DLG2: variants seen among roughly 807,000 people sequenced by gnomAD.
The protein encoded by DLG2 is disks large homolog 2.
Under a neutral mutation model 132.5 loss-of-function variants are expected in DLG2, and 45 were observed. The ratio of observed to expected loss-of-function variants is 0.34; its 90% CI spans 0.27 to 0.44. The LOEUF is 0.44. Ranked by LOEUF, DLG2 falls within the 20% of genes least tolerant of loss-of-function variation. The pLI, the probability that DLG2 is intolerant of heterozygous loss-of-function variation, is 1.00. For synonymous variants in DLG2, 424 were observed against 419.6 expected (o/e 1.01, Z -0.13); for missense variants, 1,045 against 1,196.9 (o/e 0.87, Z 1.87).
intron 4 of DLG2, among the ~76,000 whole-genome samples, chr11:85,265,939 T>A (rs1224123048): frequency 6.6e-6 from 1 of 152,186 alleles, no homozygotes; most frequent in Non-Finnish European, 1.5e-5. Context: ...ATCCTTTGAT[T>A]TGACCACATT....
At chr11:84,554,644 G>A (rs536209902) in intron 6 of DLG2, among the ~76,000 whole-genome samples, 1 of 152,094 alleles carries the variant, frequency 6.6e-6, no homozygotes, top group Non-Finnish European at 1.5e-5. Flanking sequence ...CACTCGGGAA[G>A]CTGAGGCAGG....
chr11:84,855,141 G>A (rs1181384804), intron 6 of DLG2, among the ~76,000 whole-genome samples: 1 of 151,948 alleles, frequency 6.6e-6, no homozygotes, highest in South Asian at 2.1e-4. Context: ...AGCTTCAACT[G>A]GCCAATCATG....
intron 9 of DLG2, among the ~76,000 whole-genome samples, chr11:84,151,955 A>G (rs1004969417): frequency 6.6e-6 from 1 of 152,200 alleles, no homozygotes; most frequent in African/African-American, 2.4e-5. Flanking sequence ...GTCTTGCTTT[A>G]CCAGTAAAGC....
chr11:84,365,587 C>G (rs2098677416), intron 7 of DLG2, among the ~76,000 whole-genome samples: 1 of 151,830 alleles, frequency 6.6e-6, no homozygotes, highest in African/African-American at 2.4e-5. Flanking sequence ...TTTTCTAGTT[C>G]TTTTAATTGT....
At chr11:84,243,082 T>A (rs1335208319) in intron 8 of DLG2, among the ~76,000 whole-genome samples, 1 of 151,446 alleles carries the variant, frequency 6.6e-6, no homozygotes, top group Non-Finnish European at 1.5e-5. Context: ...CATTTCTTGA[T>A]AACAAATTAG....
intron 2 of DLG2, among the ~76,000 whole-genome samples, chr11:85,621,970 C>G (rs1455890826): frequency 6.6e-6 from 1 of 152,166 alleles, no homozygotes; most frequent in African/African-American, 2.4e-5. Flanking sequence ...AATAAAGAGT[C>G]AATTGATGTG....
intron 6 of DLG2, among the ~76,000 whole-genome samples, chr11:85,066,630 G>C (rs891482609): frequency 3.3e-5 from 5 of 151,692 alleles, no homozygotes; most frequent in Admixed American, 2.0e-4. Flanking sequence ...TGTAAGGGTA[G>C]TTCAACATAC....
At chr11:84,988,827 TACTC>T (rs2056787226) in intron 6 of DLG2, among the ~76,000 whole-genome samples, 2 of 152,106 alleles carry the variant, frequency 1.3e-5, no homozygotes, top group African/African-American at 2.4e-5. Context: ...CTACAGAACT[TACTC>T]ACGTAACCAG....
intron 6 of DLG2, among the ~76,000 whole-genome samples, chr11:84,782,771 T>G (rs750458032): frequency 1.3e-5 from 2 of 152,176 alleles, no homozygotes; most frequent in Non-Finnish European, 2.9e-5. Context: ...TTGCAAAATT[T>G]TATAATATAT....
At chr11:83,940,481 TA>T (rs2082401227) in intron 14 of DLG2, among the ~76,000 whole-genome samples, 1 of 152,226 alleles carries the variant, frequency 6.6e-6, no homozygotes, top group Non-Finnish European at 1.5e-5. Context: ...TATGCAATAC[TA>T]TTATCTGCAA....
At chr11:85,470,017 T>C (rs2092929798) in intron 3 of DLG2, among the ~76,000 whole-genome samples, 1 of 152,146 alleles carries the variant, frequency 6.6e-6, no homozygotes, top group South Asian at 2.1e-4. Context: ...TTCTACTTCC[T>C]CTTCATTCTT....
intron 3 of DLG2, among the ~76,000 whole-genome samples, chr11:85,515,544 C>G (rs1004215714): frequency 4.6e-5 from 7 of 151,908 alleles, no homozygotes; most frequent in Non-Finnish European, 2.9e-5. Context: ...TATCTTAATG[C>G]TTAATTCATA....
intron 11 of DLG2, among the ~76,000 whole-genome samples, chr11:84,029,017 TA>T (rs1214140627): frequency 3.3e-5 from 5 of 152,142 alleles, no homozygotes; most frequent in Non-Finnish European, 7.4e-5. Context: ...AAATCAACTT[TA>T]AACAATTACT....
intron 11 of DLG2, among the ~76,000 whole-genome samples, chr11:84,033,341 T>C (rs970252444): frequency 3.3e-5 from 5 of 152,156 alleles, no homozygotes; most frequent in African/African-American, 1.2e-4. Flanking sequence ...CTTTGAAGAA[T>C]TCAAGACTTT....
At chr11:84,625,048 G>T (rs950901533) in intron 6 of DLG2, among the ~76,000 whole-genome samples, 2 of 149,908 alleles carry the variant, frequency 1.3e-5, no homozygotes, top group Non-Finnish European at 3.0e-5. Flanking sequence ...TTTTAGTAGA[G>T]ACGGGGTTTC....
Position 83,749,578 on chromosome 11 carries a change from C to A in DLG2, c.1825+37112G>T, listed in dbSNP as rs149704409. Among the ~76,000 whole-genome samples, 72 of 152,292 alleles carry A rather than the reference C, an allele frequency of 4.7e-4. No homozygotes were observed. The East Asian group carries it at 0.012, about 26-fold the overall frequency. On this transcript the variant is annotated intron_variant, in intron 18 of 27. Coordinates refer to ENST00000376104, the MANE Select transcript of DLG2 (RefSeq NM_001142699.3). ...CTTTCTCTGCACACAGAGCCCCCAC[C>A]CAGCAGCTGTATTTCCAGCCTGCAC...
intron 3 of DLG2, among the ~76,000 whole-genome samples, chr11:85,345,227 ATTCC>A (rs1032233476): frequency 6.6e-5 from 10 of 152,156 alleles, no homozygotes; most frequent in African/African-American, 2.4e-4. Context: ...CATAAGGATC[ATTCC>A]TTAGAAAGAT....
At chr11:85,611,067 C>T (rs1341381165) in intron 2 of DLG2, among the ~76,000 whole-genome samples, 1 of 152,182 alleles carries the variant, frequency 6.6e-6, no homozygotes, top group African/African-American at 2.4e-5. Context: ...CAAAACTTAT[C>T]TCTATATGTC....
At chr11:83,526,660 T>A (rs963212450) in intron 21 of DLG2, among the ~76,000 whole-genome samples, 5 of 152,206 alleles carry the variant, frequency 3.3e-5, no homozygotes, top group African/African-American at 1.2e-4. Context: ...ATAAGTTTCC[T>A]GGAAAATTTT....
Sources: gnomAD v4.1 joint callset for allele counts (sites outside exome capture counted in the v4.1 genomes callset) on GRCh38, gnomAD v4.1.1 for gene constraint, MANE v1.5 for transcripts, NCBI Gene and HGNC (gene_info 2026-07-23, HGNC 2026-07-21) for gene names.